Variants in NHS observed in about 807,000 individuals in gnomAD.
NHS encodes the protein NHS actin remodeling regulator, also known as actin remodeling regulator NHS.
NHS carries 5 observed loss-of-function variants against 72.5 expected under a neutral mutation model. That is an observed-to-expected ratio of 0.07 (90% CI 0.04 to 0.14). The LOEUF (loss-of-function observed/expected upper bound fraction) is 0.14, where lower values mean the gene tolerates loss of function less well. NHS is among the 10% of genes least tolerant of loss of function. The pLI is 1.00. For synonymous variants in NHS, 464 were observed against 547.7 expected (o/e 0.85, Z 2.13); for missense variants, 1,072 against 1,355.7 (o/e 0.79, Z 3.29).
intron 1 of NHS, among the ~76,000 whole-genome samples, chrX:17,400,677 CA>C (rs1382827185): frequency 9.0e-6 from 1 of 110,668 alleles, no homozygotes; most frequent in Non-Finnish European, 1.9e-5. Flanking sequence ...ATTAATTTAA[CA>C]AAAAAAGTGC....
intron 3 of NHS, among the ~76,000 whole-genome samples, chrX:17,702,484 C>T (rs751760059): frequency 2.5e-4 from 28 of 110,826 alleles, no homozygotes; most frequent in Non-Finnish European, 4.9e-4. Context: ...GGAGTTTGTT[C>T]GAGACCAGCC....
chrX:17,699,435 A>C (rs1179685872), intron 3 of NHS, among the ~76,000 whole-genome samples: 2 of 112,341 alleles, frequency 1.8e-5, no homozygotes, highest in African/African-American at 3.2e-5. Flanking sequence ...GCAACATCAC[A>C]AATAACTGAG....
chrX:17,537,731 C>T (rs181138788), intron 1 of NHS, among the ~76,000 whole-genome samples: 15 of 111,816 alleles, frequency 1.3e-4, no homozygotes, highest in African/African-American at 3.2e-4. Flanking sequence ...TTAAAAGAGG[C>T]GGGAGTGGGG....
chrX:17,581,378 G>A (rs1051896773), intron 1 of NHS, among the ~76,000 whole-genome samples: 1 of 111,506 alleles, frequency 9.0e-6, no homozygotes. Flanking sequence ...GGGTCCCCCA[G>A]AAATGGGAAG....
intron 1 of NHS, among the ~76,000 whole-genome samples, chrX:17,487,219 G>A (rs772014465): frequency 2.5e-4 from 28 of 112,167 alleles, no homozygotes; most frequent in Non-Finnish European, 4.7e-4. Context: ...GAGAGGTTAA[G>A]GAACTTGCCC....
intron 1 of NHS, among the ~76,000 whole-genome samples, chrX:17,666,998 A>G (rs910110023): frequency 8.9e-6 from 1 of 112,027 alleles, no homozygotes; most frequent in Non-Finnish European, 1.9e-5. Flanking sequence ...TTTGGTAAAC[A>G]CTAAGGACAC....
At chrX:17,642,019 C>A (rs1273332871) in intron 1 of NHS, among the ~76,000 whole-genome samples, 1 of 111,424 alleles carries the variant, frequency 9.0e-6, no homozygotes, top group African/African-American at 3.3e-5. Context: ...AATATCGGCT[C>A]ACTGCAACCT....
At chrX:17,391,095 T>C (rs1269596455) in intron 1 of NHS, among the ~76,000 whole-genome samples, 1 of 111,924 alleles carries the variant, frequency 8.9e-6, no homozygotes, top group Non-Finnish European at 1.9e-5. Flanking sequence ...TAATTATCAA[T>C]TTATGCTTTG....
Position 17,572,491 on chromosome X carries a change from C to CTTTTTTTTTTTTTTT in NHS, c.566-115243_566-115229dup, listed in dbSNP as rs760577193. On this transcript the variant is annotated intron_variant, in intron 1 of 8. Transcript: ENST00000676302. ...TCAGAGACCAGGACTGCAACCCCTG[C>CTTTTTTTTTTTTTTT]TTTTTTTTTTTTTTTTTTTTTTGCT... Among the ~76,000 whole-genome samples the CTTTTTTTTTTTTTTT allele has an allele frequency of 2.6e-4, 12 of 46,764 alleles. 1 individual carries two copies. The highest frequency in any genetic ancestry group is 1.6e-3 in the African/African-American group (12 of 7,668). 40.6% of individuals were successfully genotyped at this position (46,764 alleles called of 115,157 possible).
chrX:17,701,390 G>C (rs1389303513), intron 3 of NHS, among the ~76,000 whole-genome samples: 3 of 111,916 alleles, frequency 2.7e-5, no homozygotes, highest in Non-Finnish European at 5.6e-5. Flanking sequence ...AGGGCTTATG[G>C]AGAAAATGGG....
intron 1 of NHS, among the ~76,000 whole-genome samples, chrX:17,564,382 C>T (rs2065430757): frequency 1.8e-5 from 2 of 112,418 alleles, no homozygotes; most frequent in Non-Finnish European, 3.8e-5. Context: ...TGTTTCCAAA[C>T]ATTGCCAAGT....
At chrX:17,405,978 G>A (rs2064527487) in intron 1 of NHS, among the ~76,000 whole-genome samples, 1 of 112,353 alleles carries the variant, frequency 8.9e-6, no homozygotes, top group African/African-American at 3.2e-5. Flanking sequence ...AGGTGGGTAG[G>A]CAGAAGCAAG....
rs765484747 is a variant in NHS at position 17,725,893 on chromosome X, TCTC to T, written c.1792_1794del (p.Ser598del). Reference sequence around the variant, plus strand: ...GCTGCTGACTCTGGCAGCTGTGACATCTCCTCCAACTCAGACACGTTTGGGAGC... The same window carrying T: ...GCTGCTGACTCTGGCAGCTGTGACATCTCCAACTCAGACACGTTTGGGAGC... On this transcript the variant is annotated inframe_deletion, in exon 7 of 9. Transcript: ENST00000676302. 3.3e-6 allele frequency: 4 copies of T among 1,209,230 alleles called. No individual in the cohort carries two copies. The highest frequency in any genetic ancestry group is 2.2e-5 in the Admixed American group (1 of 45,711).
intron 1 of NHS, among the ~76,000 whole-genome samples, chrX:17,555,898 G>A (rs1331731190): frequency 0.017 from 1 of 60 alleles, no homozygotes; most frequent in Non-Finnish European, 0.036. Flanking sequence ...GGAACAAACC[G>A]GAGAGAAAAT....
intron 1 of NHS, among the ~76,000 whole-genome samples, chrX:17,493,209 G>A (rs753339479): frequency 3.6e-5 from 4 of 111,839 alleles, no homozygotes; most frequent in South Asian, 3.7e-4. Context: ...ACACTGGATC[G>A]TTTCATCCCA....
chrX:17,517,836 CA>C (rs1378339775), intron 1 of NHS, among the ~76,000 whole-genome samples: 13 of 111,606 alleles, frequency 1.2e-4, no homozygotes, highest in African/African-American at 4.2e-4. Flanking sequence ...TTTAAGGTAT[CA>C]GGGGAGAACT....
intron 8 of NHS, among the ~76,000 whole-genome samples, chrX:17,730,741 CTATT>C (rs1042725425): frequency 8.9e-6 from 1 of 112,114 alleles, no homozygotes; most frequent in African/African-American, 3.2e-5. Flanking sequence ...ACTTATTTAT[CTATT>C]TACTTGTTTA....
At chrX:17,575,102 G>T (rs992641016) in intron 1 of NHS, among the ~76,000 whole-genome samples, 1 of 112,694 alleles carries the variant, frequency 8.9e-6, no homozygotes, top group Non-Finnish European at 1.9e-5. Context: ...CATAGCAGCT[G>T]CCTCCTTCCT....
intron 1 of NHS, among the ~76,000 whole-genome samples, chrX:17,409,068 C>G (rs906543634): frequency 6.6e-4 from 74 of 111,782 alleles, no homozygotes; most frequent in Non-Finnish European, 1.3e-4. Flanking sequence ...ACTTGTTTAA[C>G]CTTAATCACT....
Sources: allele counts gnomAD v4.1 joint callset (sites outside exome capture counted in the v4.1 genomes callset), GRCh38; gene constraint gnomAD v4.1.1; transcripts MANE v1.5; gene names NCBI Gene and HGNC (gene_info 2026-07-23, HGNC 2026-07-21).